ZDHHC20: variants seen among roughly 807,000 people sequenced by gnomAD.
The protein encoded by ZDHHC20 is zDHHC palmitoyltransferase 20, also known as palmitoyltransferase ZDHHC20.
In ZDHHC20, 43 loss-of-function variants were observed where a neutral mutation model predicts 57.8. The observed-to-expected ratio is 0.74, with a 90% CI of 0.58 to 0.96. The LOEUF is 0.96. Among genes scored for constraint, ZDHHC20 ranks in the 40% least tolerant of loss-of-function variants. ZDHHC20 has a pLI of 0.00. For synonymous variants in ZDHHC20, 157 were observed against 153.0 expected, an observed-to-expected ratio of 1.03 and a Z score of -0.19; for missense variants, 391 against 441.1, an observed-to-expected ratio of 0.89 and a Z score of 1.02.
At position 21,381,566 on chromosome 13, in the gene ZDHHC20, AC is replaced by A. The variant is rs536147999; in HGVS notation, c.945-18del. 3.9e-4 allele frequency: 608 copies of A among 1,554,904 alleles called. 6 individuals carry two copies. The South Asian group carries it at 6.5e-3, about 17-fold the overall frequency. ...GAGCCACTACTGAAAAGAAGAGCAA[AC>A]AACTTAGTAAACAGCTTAATGCTCA... On this transcript the variant is annotated intron_variant, in intron 10 of 12. Transcript: ENST00000400590.
intron 2 of ZDHHC20, among the ~76,000 whole-genome samples, chr13:21,422,848 C>T (rs1473526311): frequency 1.3e-5 from 2 of 152,066 alleles, no homozygotes; most frequent in Non-Finnish European, 2.9e-5. Context: ...AACCTCATGA[C>T]CAGCACATCC....
chr13:21,376,513 G>A lies in ZDHHC20; in HGVS notation c.*183C>T. On this transcript the variant is annotated 3_prime_UTR_variant, in exon 13 of 13. Coordinates refer to ENST00000400590, the MANE Select transcript of ZDHHC20 (RefSeq NM_001330059.2). ...TAAGGCATCATTCTGCTCTGGAGTA[G>A]TGCTTCTGTGAATCCCAGGAACTGT... 1 of 537,038 alleles carries A rather than the reference G, an allele frequency of 1.9e-6. No individual in the cohort carries two copies. Among genetic ancestry groups the A allele is most frequent in the Non-Finnish European group, 3.1e-6 (1 of 324,286 alleles). 33.3% of individuals were successfully genotyped at this position (537,038 alleles called of 1,614,324 possible).
At chr13:21,398,515 A>G (rs1877160316) in intron 7 of ZDHHC20, among the ~76,000 whole-genome samples, 1 of 152,066 alleles carries the variant, frequency 6.6e-6, no homozygotes, top group East Asian at 1.9e-4. Context: ...ACAAATATTC[A>G]TGCTCTCATG....
chr13:21,441,226 A>G (rs1741486744), intron 1 of ZDHHC20, among the ~76,000 whole-genome samples: 1 of 152,218 alleles, frequency 6.6e-6, no homozygotes, highest in African/African-American at 2.4e-5. Flanking sequence ...CTATGAACGT[A>G]AAGTATGAAA....
chr13:21,388,298 C>T (rs894978892), intron 8 of ZDHHC20, among the ~76,000 whole-genome samples: 1 of 152,040 alleles, frequency 6.6e-6, no homozygotes. Flanking sequence ...AAACAAGGCA[C>T]TTCAGTGTGT....
At chr13:21,447,378 ACTGCAACCTCC>A (rs1883844873) in intron 1 of ZDHHC20, among the ~76,000 whole-genome samples, 1 of 149,390 alleles carries the variant, frequency 6.7e-6, no homozygotes, top group African/African-American at 2.5e-5. Flanking sequence ...ATCTCGGCTC[ACTGCAACCTCC>A]CTGCCTGATT....
chr13:21,458,512 T>A (rs1441807920), intron 1 of ZDHHC20, among the ~76,000 whole-genome samples: 1 of 152,156 alleles, frequency 6.6e-6, no homozygotes, highest in Non-Finnish European at 1.5e-5. Flanking sequence ...GGGAGCTTAC[T>A]CGTCCTCCAG....
chr13:21,403,002 A>G, intron 4 of ZDHHC20, 136 bp from the exon 5 acceptor site: 5 of 639,902 alleles, frequency 7.8e-6, no homozygotes, highest in Non-Finnish European at 1.4e-5. Flanking sequence ...CAACAATACC[A>G]AAATGTATTA....
chr13:21,392,645 C>T (rs139959918), intron 7 of ZDHHC20, among the ~76,000 whole-genome samples: 1 of 152,274 alleles, frequency 6.6e-6, no homozygotes, highest in African/African-American at 2.4e-5. Flanking sequence ...GAAATTAGTA[C>T]CTTTAATAGA....
intron 1 of ZDHHC20, among the ~76,000 whole-genome samples, chr13:21,440,437 C>A (rs1393633463): frequency 1.3e-5 from 2 of 151,968 alleles, no homozygotes; most frequent in African/African-American, 2.4e-5. Flanking sequence ...ATGGTGAAAC[C>A]CTGTCTCTAC....
At chr13:21,378,093 G>C (rs1005713405) in intron 12 of ZDHHC20, among the ~76,000 whole-genome samples, 3 of 151,904 alleles carry the variant, frequency 2.0e-5, no homozygotes, top group African/African-American at 7.3e-5. Context: ...CCAGGCTGGA[G>C]TGCAGCTTGT....
chr13:21,458,807 C>T (rs1885139109), intron 1 of ZDHHC20, among the ~76,000 whole-genome samples: 1 of 152,210 alleles, frequency 6.6e-6, no homozygotes, highest in Non-Finnish European at 1.5e-5. Context: ...TTGGGGCCTC[C>T]CTGGGCCAGA....
chr13:21,438,525 A>G (rs1882788017), intron 1 of ZDHHC20, among the ~76,000 whole-genome samples: 1 of 152,264 alleles, frequency 6.6e-6, no homozygotes, highest in South Asian at 2.1e-4. Context: ...ACCTCATGAT[A>G]AAACTTGAAC....
At chr13:21,406,288 G>A (rs189790493) in intron 4 of ZDHHC20, among the ~76,000 whole-genome samples, 1 of 152,102 alleles carries the variant, frequency 6.6e-6, no homozygotes. Flanking sequence ...CTCATTTCCC[G>A]ATCACTCCTG....
At position 21,399,571 on chromosome 13, in the gene ZDHHC20, TTATC is replaced by T. The variant is rs1336945718; in HGVS notation, c.594+798_594+801del. 3.6e-4 allele frequency among the ~76,000 whole-genome samples: 54 copies of T among 152,048 alleles called. 1 individual carries two copies. The highest frequency in any genetic ancestry group is 3.5e-3 in the Admixed American group (54 of 15,260). Reference sequence around the variant, plus strand: ...ACTAAAAAAAATTTTAAAGCTATATTTATCTGTTTTGAATATATTACTATTTGTC... The same window carrying T: ...ACTAAAAAAAATTTTAAAGCTATATTTGTTTTGAATATATTACTATTTGTC... On this transcript the variant is annotated intron_variant, in intron 7 of 12. Coordinates refer to ENST00000400590, the MANE Select transcript of ZDHHC20 (RefSeq NM_001330059.2).
At chr13:21,387,058 G>A (rs1009329974) in intron 9 of ZDHHC20, among the ~76,000 whole-genome samples, 3 of 152,236 alleles carry the variant, frequency 2.0e-5, no homozygotes, top group East Asian at 1.9e-4. Context: ...GGAAAGAAAT[G>A]GAAACTATCA....
In ZDHHC20 at chr13:21,401,104, C is replaced by A. The variant is rs1211125961; in HGVS notation, c.473+549G>T. 2.0e-5 allele frequency among the ~76,000 whole-genome samples: 3 copies of A among 151,634 alleles called. No individual in the cohort carries two copies. The East Asian group carries it at 5.8e-4, about 29-fold the overall frequency. ...ACCAGCATGGGCAACATGGAGAGAC[C>A]CCATCTCTATTAAAAATACAAAAAA... On this transcript the variant is annotated intron_variant, in intron 6 of 12. Transcript: ENST00000400590.
At chr13:21,388,144 CAT>C (rs1277969249) in intron 8 of ZDHHC20, among the ~76,000 whole-genome samples, 2 of 152,204 alleles carry the variant, frequency 1.3e-5, no homozygotes, top group East Asian at 1.9e-4. Flanking sequence ...TCGATAGAGA[CAT>C]ATGTGTGCCT....
At chr13:21,415,247 A>G (rs1350855448) in intron 3 of ZDHHC20, among the ~76,000 whole-genome samples, 3 of 152,234 alleles carry the variant, frequency 2.0e-5, no homozygotes, top group African/African-American at 7.2e-5. Flanking sequence ...ACAGTAAAAT[A>G]CGGGTCTTCT....
Sources: gnomAD v4.1 joint callset for allele counts (sites outside exome capture counted in the v4.1 genomes callset) on GRCh38, gnomAD v4.1.1 for gene constraint, MANE v1.5 for transcripts, NCBI Gene and HGNC (gene_info 2026-07-23, HGNC 2026-07-21) for gene names.